PTCD3: variants seen among roughly 807,000 people sequenced by gnomAD.
PTCD3 encodes small ribosomal subunit protein mS39.
A neutral mutation model predicts 101.9 loss-of-function variants in PTCD3; 89 were observed. That is an observed-to-expected ratio of 0.87 (90% confidence interval 0.74 to 1.04). The LOEUF (loss-of-function observed/expected upper bound fraction) is 1.04, where lower values mean the gene tolerates loss of function less well. PTCD3 is among the 50% of genes least tolerant of loss of function. The pLI, the probability that PTCD3 is intolerant of heterozygous loss-of-function variation, is 0.00. For missense variants in PTCD3, 870 were observed against 828.2 expected (o/e 1.05, Z -0.62); for synonymous variants, 296 against 278.5 (o/e 1.06, Z -0.63).
At chr2:86,134,767 C>A in intron 20 of PTCD3, 72 bp from the exon 21 acceptor site, 1 of 1,522,300 alleles carries the variant, frequency 6.6e-7, no homozygotes, top group Non-Finnish European at 9.1e-7. Context: ...TTTAAGGATC[C>A]TGTGTTAGTC....
At chr2:86,123,605 C>T in intron 8 of PTCD3, 96 bp from the exon 9 acceptor site, 1 of 882,006 alleles carries the variant, frequency 1.1e-6, no homozygotes, top group Non-Finnish European at 1.7e-6. Flanking sequence ...CTTTATTTTT[C>T]TGAGTTCCCT....
In PTCD3 at chr2:86,134,218, A is replaced by G. The variant is rs112400746; in HGVS notation, c.1544-74A>G. The G allele has an allele frequency of 1.3e-5, 15 of 1,128,156 alleles. No individual in the cohort carries two copies. In the African/African-American group the frequency reaches 1.4e-4, roughly 10 times the overall value. 69.9% of individuals were successfully genotyped at this position (1,128,156 alleles called of 1,614,324 possible). The stretch of plus-strand genomic sequence containing the variant: ...GCAACTTATTTTTACCTACCAAAAA[A>G]TAGGTTGACAGTGAACAAAAGTGTG... On this transcript the variant is annotated intron_variant, in intron 19 of 23. Coordinates refer to ENST00000254630, the MANE Select transcript of PTCD3 (RefSeq NM_017952.6).
chr2:86,130,509 C>A, intron 14 of PTCD3, 139 bp from the exon 15 acceptor site: 3 of 1,314,164 alleles, frequency 2.3e-6, no homozygotes, highest in Non-Finnish European at 3.0e-6. Flanking sequence ...CTTTAGCAAG[C>A]ATTGGCCTCC....
At chr2:86,122,383 T>G (rs1430256902) in intron 8 of PTCD3, among the ~76,000 whole-genome samples, 1 of 152,192 alleles carries the variant, frequency 6.6e-6, no homozygotes, top group Non-Finnish European at 1.5e-5. Flanking sequence ...GTTTCTATCT[T>G]TTCTACTCTT....
In PTCD3 at chr2:86,125,002, A is replaced by G. The variant is rs1674357440; in HGVS notation, c.724A>G (p.Asn242Asp). The stretch of plus-strand genomic sequence containing the variant: ...TTACTCTCTTGTGTCTAGAGCAAAA[A>G]ACAACGCTGAGAGAATCTTTTCTCT... ...HQFGVTWRAK[N>D]NAERIFSLMP... Residue 242 changes from asparagine to aspartate, a missense_variant, in exon 10 of 24, where the codon AAC becomes GAC. Asn to Asp is a conservative substitution (Grantham distance 23). Transcript: ENST00000254630. 6.2e-7 allele frequency: 1 copy of G among 1,613,860 alleles called. No homozygotes were observed. Among genetic ancestry groups the G allele is most frequent in the Non-Finnish European group, 8.5e-7 (1 of 1,180,014 alleles).
chr2:86,116,897 C>T (rs1674187361), intron 5 of PTCD3, among the ~76,000 whole-genome samples, 158 bp from the exon 6 acceptor site: 1 of 152,072 alleles, frequency 6.6e-6, no homozygotes, highest in Admixed American at 6.6e-5. Flanking sequence ...AATTATATCA[C>T]AGTAGAAAAG....
In PTCD3 at chr2:86,139,777, G is replaced by A. The variant is rs966196314; in HGVS notation, c.*2218G>A. The A allele has an allele frequency of 2.6e-5, 4 of 152,060 alleles. No homozygotes were observed. The highest frequency in any genetic ancestry group is 2.1e-4 in the South Asian group (1 of 4,818). 9.4% of individuals were successfully genotyped at this position (152,060 alleles called of 1,614,324 possible). A position where few individuals can be genotyped will look rare whatever the true frequency, so the allele number is the denominator to read the frequency against. ...GACTGCACCACTGCATTCCAGCCTG[G>A]TTGACAGAGTGACCCTTGTCTCCAA... On this transcript the variant is annotated 3_prime_UTR_variant, in exon 24 of 24. Coordinates refer to ENST00000254630, the MANE Select transcript of PTCD3 (RefSeq NM_017952.6).
Position 86,106,346 on chromosome 2 carries a change from C to T in PTCD3, c.99C>T (p.Ser33=), listed in dbSNP as rs766270957. The T allele has an allele frequency of 1.9e-6, 3 of 1,613,884 alleles. No homozygotes were observed. Among genetic ancestry groups the T allele is most frequent in the Middle Eastern group, 1.7e-4 (1 of 6,058 alleles). Residue 33 remains serine (S), a synonymous_variant, in exon 1 of 24, where the codon AGC becomes AGT. Transcript: ENST00000254630. Reference sequence around the variant, plus strand: ...CGGGTTTGTGTGAACAGGCACGCAGCTGCAGGTAAGAGACGCTTAGGGTAT... The same window carrying T: ...CGGGTTTGTGTGAACAGGCACGCAGTTGCAGGTAAGAGACGCTTAGGGTAT... ...RRAGLCEQAR[S]CRFYSGSATL... is the part of the protein sequence containing the mutation.
chr2:86,108,128 A>C (rs1239548727), intron 1 of PTCD3, among the ~76,000 whole-genome samples: 1 of 143,400 alleles, frequency 7.0e-6, no homozygotes, highest in Admixed American at 7.0e-5. Flanking sequence ...CCTGTCTCTA[A>C]AAAAAAAAAA....
At chr2:86,115,350 C>T (rs140007312) in intron 4 of PTCD3, among the ~76,000 whole-genome samples, 24 of 152,342 alleles carry the variant, frequency 1.6e-4, no homozygotes, top group African/African-American at 5.3e-4. Flanking sequence ...CACTGCACCT[C>T]CCTGCACACT....
chr2:86,108,630 C>A, intron 3 of PTCD3, 94 bp downstream of exon 3: 3 of 1,237,282 alleles, frequency 2.4e-6, no homozygotes, highest in Non-Finnish European at 3.4e-6. Context: ...ACAGGAAGAG[C>A]AATAGGAGAG....
At chr2:86,132,450 T>C (rs759658711) in intron 17 of PTCD3, 26 bp downstream of exon 17, 8 of 1,494,578 alleles carry the variant, frequency 5.4e-6, no homozygotes, top group Non-Finnish European at 5.6e-6. Flanking sequence ...ACATATCCTT[T>C]TGCATGAGTT....
Position 86,117,110 on chromosome 2 carries a change from A to T in PTCD3, c.365A>T (p.Asn122Ile). 1 of 1,487,086 alleles carries T rather than the reference A, an allele frequency of 6.7e-7. No homozygotes were observed. The highest frequency in any genetic ancestry group is 9.4e-7 in the Non-Finnish European group (1 of 1,064,498). 92.1% of individuals were successfully genotyped at this position (1,487,086 alleles called of 1,614,324 possible). A position where few individuals can be genotyped will look rare whatever the true frequency, so the allele number is the denominator to read the frequency against. Residue 122 changes from asparagine (N) to isoleucine (I), a missense_variant, in exon 6 of 24, where the codon AAT becomes ATT. Physicochemically the swap from Asn to Ile is moderately radical, Grantham distance 149. Transcript: ENST00000254630. Reference protein sequence around the residue: ...SGENVAKFIINSYPKYFQKDI... With the variant: ...SGENVAKFIIISYPKYFQKDI... ...GAGAATGTGGCCAAGTTTATTATTA[A>T]TTCATACCCCAAATATTTTCAGAAG...
At position 86,131,215 on chromosome 2, in the gene PTCD3, CT is replaced by C. The variant is rs1356692062; in HGVS notation, c.1266+111del. ...TCTAACTCTTCTGTTCATGTCTTTG[CT>C]TCTGTTTTTTCTTCTTTCTCTAAAA... On this transcript the variant is annotated intron_variant, in intron 16 of 23. Coordinates refer to ENST00000254630, the MANE Select transcript of PTCD3 (RefSeq NM_017952.6). 4.8e-6 allele frequency: 4 copies of C among 828,206 alleles called. No homozygotes were observed. In the African/African-American group the frequency reaches 7.3e-5, roughly 15 times the overall value. The allele number at this position is 828,206 out of a possible 1,614,324, so 51.3% of individuals were successfully genotyped here.
intron 9 of PTCD3, among the ~76,000 whole-genome samples, chr2:86,123,981 CT>C (rs1338284261): frequency 6.6e-6 from 1 of 151,968 alleles, no homozygotes; most frequent in Non-Finnish European, 1.5e-5. Context: ...GACTTTGACC[CT>C]TTTTTTTCCC....
At chr2:86,130,319 T>TA (rs1674473470) in intron 14 of PTCD3, among the ~76,000 whole-genome samples, 1 of 152,106 alleles carries the variant, frequency 6.6e-6, no homozygotes, top group African/African-American at 2.4e-5. Context: ...AAAATTTTGT[T>TA]TTTCTAAGTA....
chr2:86,137,175 G>GGA, intron 23 of PTCD3, 35 bp downstream of exon 23: 1 of 1,532,832 alleles, frequency 6.5e-7, no homozygotes, highest in Non-Finnish European at 8.8e-7. Context: ...TTTGTAAAAT[G>GGA]GAGACCTTTC....
At chr2:86,124,480 C>T (rs1207365890) in intron 9 of PTCD3, among the ~76,000 whole-genome samples, 2 of 152,156 alleles carry the variant, frequency 1.3e-5, no homozygotes, top group East Asian at 3.9e-4. Flanking sequence ...CAACAATTAG[C>T]TAGGCGTGGT....
chr2:86,114,985 T>C (rs1674153745), intron 4 of PTCD3, among the ~76,000 whole-genome samples: 1 of 152,088 alleles, frequency 6.6e-6, no homozygotes, highest in Non-Finnish European at 1.5e-5. Context: ...GCCCAGAGTT[T>C]TTAGGGGAGG....
Sources: allele counts gnomAD v4.1 joint callset (sites outside exome capture counted in the v4.1 genomes callset), GRCh38; gene constraint gnomAD v4.1.1; transcripts MANE v1.5; gene names NCBI Gene and HGNC (gene_info 2026-07-23, HGNC 2026-07-21).